The following JAKMIP2 variants were observed in gnomAD, a reference collection of about 807,000 sequenced individuals.
The protein encoded by JAKMIP2 is janus kinase and microtubule-interacting protein 2.
A neutral mutation model predicts 115.0 loss-of-function variants in JAKMIP2; 25 were observed. That is an observed-to-expected ratio of 0.22 (90% CI 0.16 to 0.30). The LOEUF is 0.30. Among genes scored for constraint, JAKMIP2 ranks in the 10% least tolerant of loss-of-function variants. The pLI, the probability that JAKMIP2 is intolerant of heterozygous loss-of-function variation, is 1.00. For missense variants in JAKMIP2, 642 were observed against 957.6 expected (o/e 0.67, Z 4.35); for synonymous variants, 334 against 343.6 (o/e 0.97, Z 0.31).
intron 1 of JAKMIP2, among the ~76,000 whole-genome samples, chr5:147,771,254 A>C (rs1755343609): frequency 6.6e-6 from 1 of 152,140 alleles, no homozygotes; most frequent in African/African-American, 2.4e-5. Flanking sequence ...TAGTTGGATG[A>C]TCTAGAGTAA....
intron 2 of JAKMIP2, among the ~76,000 whole-genome samples, chr5:147,664,064 AAT>A (rs1352544606): frequency 6.6e-6 from 1 of 152,222 alleles, no homozygotes; most frequent in East Asian, 1.9e-4. Flanking sequence ...GTTTTGGATA[AAT>A]TATTCTAAAC....
At chr5:147,744,026 CCTTCCTTCCTTCCT>C in intron 1 of JAKMIP2, among the ~76,000 whole-genome samples, 1 of 141,384 alleles carries the variant, frequency 7.1e-6, no homozygotes, top group Non-Finnish European at 1.5e-5. Context: ...TTCCTTCCTT[CCTTCCTTCCTTCCT>C]TCCTTCCTTC....
intron 20 of JAKMIP2, among the ~76,000 whole-genome samples, chr5:147,611,745 C>T (rs547564755): frequency 1.1e-4 from 17 of 152,292 alleles, no homozygotes; most frequent in Non-Finnish European, 2.5e-4. Context: ...CCACCCCACA[C>T]GCATTTCCAA....
chr5:147,699,538 CT>C (rs1752242621), intron 1 of JAKMIP2, among the ~76,000 whole-genome samples: 1 of 152,030 alleles, frequency 6.6e-6, no homozygotes, highest in Non-Finnish European at 1.5e-5. Flanking sequence ...GGCTGAGTGG[CT>C]TGGGGAATAG....
At chr5:147,732,567 A>G (rs1753773050) in intron 1 of JAKMIP2, among the ~76,000 whole-genome samples, 1 of 152,222 alleles carries the variant, frequency 6.6e-6, no homozygotes. Context: ...GAGAAAACAT[A>G]AGGCTAATTG....
chr5:147,721,429 C>G (rs542593313), intron 1 of JAKMIP2, among the ~76,000 whole-genome samples: 2 of 152,196 alleles, frequency 1.3e-5, no homozygotes, highest in African/African-American at 2.4e-5. Flanking sequence ...TGGGCAATGG[C>G]GGGCGCCCCT....
In JAKMIP2 at chr5:147,712,303, A is replaced by G. The variant is rs778998318; in HGVS notation, c.-148-40349T>C. ...GTTCGTCAGCCCAGGGAAAGGATTC[A>G]GCCAATTTTCTTTTTTGTAACGAAG... On this transcript the variant is annotated intron_variant, in intron 1 of 21. Transcript: ENST00000616793. Among the ~76,000 whole-genome samples the G allele has an allele frequency of 1.3e-4, 19 of 151,750 alleles. 1 individual carries two copies. Among genetic ancestry groups the G allele is most frequent in the Non-Finnish European group, 2.4e-4 (16 of 67,942 alleles).
chr5:147,702,862 CAA>C, intron 1 of JAKMIP2, among the ~76,000 whole-genome samples: 1 of 152,094 alleles, frequency 6.6e-6, no homozygotes, highest in South Asian at 2.1e-4. Flanking sequence ...TGTGTTTTGG[CAA>C]ACTGCAAAAG....
chr5:147,746,913 C>T lies in JAKMIP2; in HGVS notation c.-149+35543G>A, dbSNP rs755181239. Among the ~76,000 whole-genome samples the T allele has an allele frequency of 4.6e-5, 7 of 152,234 alleles. No individual in the cohort carries two copies. The East Asian group carries it at 5.8e-4, about 13-fold the overall frequency. On this transcript the variant is annotated intron_variant, in intron 1 of 21. Coordinates refer to ENST00000616793, the MANE Select transcript of JAKMIP2 (RefSeq NM_001270941.2). Reference sequence around the variant, plus strand: ...GCTATTTATTCTGCTAATTAAAAAACGAAGTCACCAAATAAGCCAGTGCCC... The same window carrying T: ...GCTATTTATTCTGCTAATTAAAAAATGAAGTCACCAAATAAGCCAGTGCCC...
At chr5:147,636,158 C>A in intron 12 of JAKMIP2, 64 bp downstream of exon 12, 1 of 1,372,180 alleles carries the variant, frequency 7.3e-7, no homozygotes, top group Non-Finnish European at 1.0e-6. Flanking sequence ...AGAGCACCCC[C>A]TGCTGCTCCT....
intron 3 of JAKMIP2, among the ~76,000 whole-genome samples, chr5:147,657,950 T>A (rs996482292): frequency 6.6e-6 from 1 of 152,114 alleles, no homozygotes; most frequent in East Asian, 1.9e-4. Context: ...GGTTAGAACA[T>A]GCTCCTTTAG....
At chr5:147,764,932 G>A (rs774356747) in intron 1 of JAKMIP2, among the ~76,000 whole-genome samples, 2,342 of 76,452 alleles carry the variant, frequency 0.031, 37 homozygotes, top group East Asian at 0.075. Context: ...GAGAGAGAGA[G>A]AGAGAGAGAG....
intron 1 of JAKMIP2, among the ~76,000 whole-genome samples, chr5:147,730,071 G>T (rs1448794375): frequency 6.6e-6 from 1 of 152,146 alleles, no homozygotes; most frequent in African/African-American, 2.4e-5. Context: ...AAAGAGCTTG[G>T]CATTGTTCCT....
chr5:147,589,892 T>A lies in JAKMIP2; in HGVS notation c.*1815A>T, dbSNP rs563129672. On this transcript the variant is annotated 3_prime_UTR_variant, in exon 22 of 22. Coordinates refer to ENST00000616793, the MANE Select transcript of JAKMIP2 (RefSeq NM_001270941.2). ...TTGTCAACAACACAAGAAAGTCAAA[T>A]AATACAGCACTTGTAATAATTACAA... is the stretch of plus-strand genomic sequence containing the variant. 6.6e-6 allele frequency: 1 copy of A among 152,190 alleles called. No homozygotes were observed. Among genetic ancestry groups the A allele is most frequent in the Non-Finnish European group, 1.5e-5 (1 of 68,030 alleles). The allele number at this position is 152,190 out of a possible 1,614,324, so 9.4% of individuals were successfully genotyped here.
chr5:147,722,877 C>G (rs1360561944), intron 1 of JAKMIP2, among the ~76,000 whole-genome samples: 1 of 151,682 alleles, frequency 6.6e-6, no homozygotes, highest in African/African-American at 2.4e-5. Context: ...TTTTTTTTAT[C>G]CCTCTGCATC....
intron 1 of JAKMIP2, among the ~76,000 whole-genome samples, chr5:147,753,027 TCTC>T (rs1405252559): frequency 2.0e-5 from 3 of 152,064 alleles, no homozygotes; most frequent in Admixed American, 2.0e-4. Flanking sequence ...ATGACTTTTA[TCTC>T]CTCCTCATTC....
chr5:147,763,667 C>A (rs1038619704), intron 1 of JAKMIP2, among the ~76,000 whole-genome samples: 1 of 152,056 alleles, frequency 6.6e-6, no homozygotes, highest in Non-Finnish European at 1.5e-5. Context: ...AAGGTAGGTT[C>A]TTTCACCCAG....
At chr5:147,592,741 C>A (rs1755158953) in intron 21 of JAKMIP2, among the ~76,000 whole-genome samples, 1 of 152,174 alleles carries the variant, frequency 6.6e-6, no homozygotes, top group South Asian at 2.1e-4. Context: ...TGTAGAAAGA[C>A]TTTACTATTA....
intron 21 of JAKMIP2, among the ~76,000 whole-genome samples, chr5:147,600,115 G>C (rs1467712437): frequency 7.3e-6 from 1 of 136,988 alleles, no homozygotes; most frequent in Admixed American, 7.4e-5. Context: ...TTTTTTTGGT[G>C]GGGGGAGGCT....
Sources: gnomAD v4.1 joint callset for allele counts (sites outside exome capture counted in the v4.1 genomes callset) on GRCh38, gnomAD v4.1.1 for gene constraint, MANE v1.5 for transcripts, NCBI Gene and HGNC (gene_info 2026-07-23, HGNC 2026-07-21) for gene names.